The following MARCHF1 variants were observed in gnomAD, a reference collection of about 807,000 sequenced individuals.
MARCHF1 encodes the protein membrane associated ring-CH-type finger 1.
MARCHF1 carries 40 observed loss-of-function variants against 54.2 expected under a neutral mutation model. The ratio of observed to expected loss-of-function variants is 0.74; its 90% CI spans 0.57 to 0.96. The LOEUF (loss-of-function observed/expected upper bound fraction) is 0.96. MARCHF1 is among the 40% of genes least tolerant of loss of function. MARCHF1 has a pLI of 0.00. For synonymous variants in MARCHF1, 236 were observed against 236.3 expected (o/e 1.00, Z 0.01); for missense variants, 586 against 656.5 (o/e 0.89, Z 1.17).
At chr4:164,008,774 T>A (rs967092894) in intron 2 of MARCHF1, among the ~76,000 whole-genome samples, 1 of 152,054 alleles carries the variant, frequency 6.6e-6, no homozygotes, top group African/African-American at 2.4e-5. Context: ...ATTTAAACAT[T>A]TCTTGAAACA....
intron 4 of MARCHF1, among the ~76,000 whole-genome samples, chr4:163,804,089 C>G (rs1299719420): frequency 6.6e-6 from 1 of 152,160 alleles, no homozygotes; most frequent in Non-Finnish European, 1.5e-5. Context: ...TCAAATAGAT[C>G]ACAGTGAAAT....
At position 163,676,279 on chromosome 4, in the gene MARCHF1, C is replaced by T. The variant is rs376655936; in HGVS notation, c.162+24534G>A. Among the ~76,000 whole-genome samples, 404 of 149,326 alleles carry T rather than the reference C, an allele frequency of 2.7e-3. 2 individuals are homozygous for T. Among genetic ancestry groups the T allele is most frequent in the African/African-American group, 9.3e-3 (376 of 40,402 alleles). On this transcript the variant is annotated intron_variant, in intron 5 of 9. Transcript: ENST00000514618. ...GGCTGAGGCAGGAGAATCCCTTGAACGCGGGAGGCGGATGTTGCAGTGAGC... is the reference window on the plus strand; with the variant it reads ...GGCTGAGGCAGGAGAATCCCTTGAATGCGGGAGGCGGATGTTGCAGTGAGC...
At chr4:164,276,596 A>G (rs1370601198) in intron 1 of MARCHF1, among the ~76,000 whole-genome samples, 1 of 151,116 alleles carries the variant, frequency 6.6e-6, no homozygotes, top group African/African-American at 2.4e-5. Flanking sequence ...GACATTTTAA[A>G]TTAGTGGAAA....
intron 2 of MARCHF1, among the ~76,000 whole-genome samples, chr4:164,053,600 T>C (rs1163932128): frequency 6.6e-6 from 1 of 152,118 alleles, no homozygotes; most frequent in East Asian, 1.9e-4. Context: ...TTTCAGCCCA[T>C]AAAAAAACAG....
intron 2 of MARCHF1, among the ~76,000 whole-genome samples, chr4:164,056,389 C>T (rs6843471): frequency 0.74 from 113,094 of 152,060 alleles, 42,491 homozygotes; most frequent in Non-Finnish European, 0.79. Context: ...CCTACACTGG[C>T]TCAAGAAATC....
intron 3 of MARCHF1, among the ~76,000 whole-genome samples, chr4:163,888,730 A>C (rs1343170029): frequency 6.6e-6 from 1 of 152,120 alleles, no homozygotes; most frequent in East Asian, 1.9e-4. Flanking sequence ...TAAGAATCAG[A>C]AAAACAGTTG....
chr4:163,957,184 CAATT>C (rs1040270671), intron 3 of MARCHF1, among the ~76,000 whole-genome samples: 4 of 151,852 alleles, frequency 2.6e-5, no homozygotes, highest in South Asian at 4.1e-4. Flanking sequence ...TATAGCTACT[CAATT>C]AAACTGTGAT....
rs182768848 is a variant in MARCHF1, at chr4:164,287,413, G to A, written c.-323+96457C>T. On this transcript the variant is annotated intron_variant, in intron 1 of 9. Transcript: ENST00000514618. ...GGCAATACAGTTTAAAACAGTTGCCGTGTCGTAAGACATCGCTCAGTTTCA... is the reference window on the plus strand; with the variant it reads ...GGCAATACAGTTTAAAACAGTTGCCATGTCGTAAGACATCGCTCAGTTTCA... Among the ~76,000 whole-genome samples, 8 of 152,256 alleles carry A rather than the reference G, an allele frequency of 5.3e-5. No homozygotes were observed. The East Asian group carries it at 5.8e-4, about 11-fold the overall frequency.
chr4:164,007,271 G>T (rs541995095), intron 2 of MARCHF1, among the ~76,000 whole-genome samples: 2 of 147,740 alleles, frequency 1.4e-5, no homozygotes, highest in Non-Finnish European at 3.0e-5. Context: ...GCGTGAACCC[G>T]GGAAGCAGAT....
At chr4:164,189,511 A>T in intron 1 of MARCHF1, 1 of 757,552 alleles carries the variant, frequency 1.3e-6, no homozygotes, top group South Asian at 1.5e-5. Context: ...AAAGTCCTTC[A>T]ATGGCAAGGA....
chr4:163,620,600 CACACACAGAGAGAGAGAG>C (rs1403903757), intron 5 of MARCHF1, among the ~76,000 whole-genome samples: 1,447 of 76,682 alleles, frequency 0.019, 26 homozygotes, highest in East Asian at 0.16. Flanking sequence ...CACACACACA[CACACACAGAGAGAGAGAG>C]AGAGAGAGAG....
chr4:163,823,443 T>C (rs552648669), intron 4 of MARCHF1, among the ~76,000 whole-genome samples: 8 of 151,936 alleles, frequency 5.3e-5, no homozygotes, highest in Non-Finnish European at 1.2e-4. Context: ...TCTAAATACC[T>C]TGCCTTGTCC....
intron 5 of MARCHF1, among the ~76,000 whole-genome samples, chr4:163,618,981 A>G (rs7677367): frequency 0.51 from 77,327 of 151,886 alleles, 19,896 homozygotes; most frequent in East Asian, 0.76. Context: ...TGACTCAAGT[A>G]GGGGATGGCA....
intron 1 of MARCHF1, chr4:164,189,813 A>G: frequency 1.9e-6 from 3 of 1,586,488 alleles, no homozygotes; most frequent in Non-Finnish European, 1.7e-6. Context: ...TCTTCTGGGT[A>G]CATTTGATCT....
intron 4 of MARCHF1, among the ~76,000 whole-genome samples, chr4:163,844,434 C>T (rs1037300814): frequency 6.6e-6 from 1 of 151,852 alleles, no homozygotes; most frequent in African/African-American, 2.4e-5. Flanking sequence ...TAATTTGCTC[C>T]CACTGAACAA....
intron 1 of MARCHF1, among the ~76,000 whole-genome samples, chr4:164,299,324 T>C (rs181969781): frequency 2.8e-4 from 42 of 152,190 alleles, no homozygotes; most frequent in African/African-American, 1.0e-3. Flanking sequence ...AAAAAAACCC[T>C]AGCACTAAAA....
intron 4 of MARCHF1, among the ~76,000 whole-genome samples, chr4:163,751,805 C>CGTGTGTGTGTGTGTGTGTGTGTGTGTGT (rs72029488): frequency 3.2e-5 from 4 of 124,416 alleles, no homozygotes; most frequent in African/African-American, 1.0e-4. Context: ...CACATGTGCA[C>CGTGTGTGTGTGTGTGTGTGTGTGTGTGT]GTGTGTGTGT....
chr4:163,739,387 G>A (rs889479104), intron 4 of MARCHF1, among the ~76,000 whole-genome samples: 2 of 152,134 alleles, frequency 1.3e-5, no homozygotes, highest in African/African-American at 2.4e-5. Flanking sequence ...AAATTATGAA[G>A]GCTGATTATT....
chr4:164,027,255 CA>C (rs1560868332), intron 2 of MARCHF1, among the ~76,000 whole-genome samples: 1 of 143,478 alleles, frequency 7.0e-6, no homozygotes, highest in South Asian at 2.2e-4. Flanking sequence ...CATTTGGAAG[CA>C]AAAAAGAGCC....
Sources: gnomAD v4.1 joint callset for allele counts (sites outside exome capture counted in the v4.1 genomes callset) on GRCh38, gnomAD v4.1.1 for gene constraint, MANE v1.5 for transcripts, NCBI Gene and HGNC (gene_info 2026-07-23, HGNC 2026-07-21) for gene names.